The following FAF1 variants were observed in gnomAD, a reference collection of about 807,000 sequenced individuals.
FAF1 encodes the protein Fas associated factor 1.
In FAF1, 25 loss-of-function variants were observed where a neutral mutation model predicts 92.5. That is an observed-to-expected ratio of 0.27 (90% CI 0.20 to 0.38). The LOEUF (loss-of-function observed/expected upper bound fraction) is 0.38. Among genes scored for constraint, FAF1 ranks in the 10% least tolerant of loss-of-function variants. The pLI, the probability that FAF1 is intolerant of heterozygous loss-of-function variation, is 1.00. For missense variants in FAF1, 636 were observed against 793.3 expected, an observed-to-expected ratio of 0.80 and a Z score of 2.38; for synonymous variants, 234 against 273.2, an observed-to-expected ratio of 0.86 and a Z score of 1.42.
intron 15 of FAF1, among the ~76,000 whole-genome samples, chr1:50,506,918 T>C (rs959716197): frequency 1.3e-5 from 2 of 152,226 alleles, no homozygotes; most frequent in African/African-American, 2.4e-5. Flanking sequence ...CTTTACCTTC[T>C]TCTTCCTGCC....
At chr1:50,758,800 C>T (rs1329636460) in intron 4 of FAF1, among the ~76,000 whole-genome samples, 1 of 152,082 alleles carries the variant, frequency 6.6e-6, no homozygotes, top group Non-Finnish European at 1.5e-5. Context: ...GCATTGCCTC[C>T]TGGTGTGCGC....
chr1:50,653,470 C>G (rs1437811063), intron 8 of FAF1, among the ~76,000 whole-genome samples: 1 of 152,140 alleles, frequency 6.6e-6, no homozygotes, highest in Non-Finnish European at 1.5e-5. Flanking sequence ...CCTGCTTTAG[C>G]CCCCCAAGTA....
At chr1:50,917,622 G>GAA (rs1400082432) in intron 1 of FAF1, among the ~76,000 whole-genome samples, 2 of 98,466 alleles carry the variant, frequency 2.0e-5, no homozygotes, top group South Asian at 3.2e-4. Flanking sequence ...AAAGGGAAAG[G>GAA]AAAAAGGAAA....
intron 7 of FAF1, among the ~76,000 whole-genome samples, chr1:50,658,219 T>C (rs1280802278): frequency 6.6e-6 from 1 of 152,090 alleles, no homozygotes; most frequent in African/African-American, 2.4e-5. Context: ...AATTAAGAAA[T>C]TATTACTTTG....
chr1:50,851,320 G>T (rs1238880751), intron 2 of FAF1, among the ~76,000 whole-genome samples: 1 of 152,060 alleles, frequency 6.6e-6, no homozygotes, highest in African/African-American at 2.4e-5. Flanking sequence ...TGACCCACTC[G>T]CATTGGCTTC....
intron 18 of FAF1, chr1:50,461,463 A>C (rs1224649029): frequency 6.6e-6 from 1 of 152,142 alleles, no homozygotes; most frequent in Non-Finnish European, 1.5e-5. Flanking sequence ...ACCTACCCAC[A>C]ACTCAGCGAG....
At chr1:50,786,780 T>C (rs1661380027) in intron 4 of FAF1, among the ~76,000 whole-genome samples, 1 of 152,144 alleles carries the variant, frequency 6.6e-6, no homozygotes, top group African/African-American at 2.4e-5. Flanking sequence ...TGGTGATAGA[T>C]GAAACTAGAA....
chr1:50,515,195 T>A (rs1647201750), intron 15 of FAF1, among the ~76,000 whole-genome samples: 1 of 152,156 alleles, frequency 6.6e-6, no homozygotes, highest in Non-Finnish European at 1.5e-5. Flanking sequence ...CTATTATGGT[T>A]TAGTCATTTT....
chr1:50,657,862 G>A (rs1310058582), intron 7 of FAF1, among the ~76,000 whole-genome samples: 2 of 152,120 alleles, frequency 1.3e-5, no homozygotes, highest in Non-Finnish European at 2.9e-5. Flanking sequence ...AGGAGCTTGG[G>A]GAATGGCTTG....
intron 1 of FAF1, among the ~76,000 whole-genome samples, chr1:50,923,856 G>A (rs1468697284): frequency 6.6e-6 from 1 of 152,110 alleles, no homozygotes; most frequent in African/African-American, 2.4e-5. Context: ...CATTGAAACA[G>A]CATTCAATAA....
At chr1:50,599,912 T>C (rs1436560722) in intron 8 of FAF1, among the ~76,000 whole-genome samples, 2 of 152,192 alleles carry the variant, frequency 1.3e-5, no homozygotes, top group Non-Finnish European at 1.5e-5. Flanking sequence ...TGGCATCATA[T>C]ATACCTAACA....
At chr1:50,444,488 T>C (rs1334749964) in intron 18 of FAF1, among the ~76,000 whole-genome samples, 1 of 152,130 alleles carries the variant, frequency 6.6e-6, no homozygotes, top group East Asian at 1.9e-4. Flanking sequence ...GGGATACAGC[T>C]AGGGCTGGTG....
At chr1:50,835,570 C>CAAA (rs573942977) in intron 2 of FAF1, among the ~76,000 whole-genome samples, 74 of 54,780 alleles carry the variant, frequency 1.4e-3, no homozygotes, top group African/African-American at 3.3e-3. Context: ...GACTCCATCT[C>CAAA]AAAAAAAAAA....
At position 50,490,384 on chromosome 1, in the gene FAF1, AAAGGAAGGAAGGAAGGAAGGAAGGAAGG is replaced by A. The variant is rs199911582; in HGVS notation, c.1653+176_1653+203del. Among the ~76,000 whole-genome samples, 29 of 34,832 alleles carry A rather than the reference AAAGGAAGGAAGGAAGGAAGGAAGGAAGG, an allele frequency of 8.3e-4. 1 individual carries two copies. In the South Asian group the frequency reaches 8.4e-3, roughly 10 times the overall value. The allele number at this position is 34,832 out of a possible 152,430, so 22.9% of individuals were successfully genotyped here. A position where few individuals can be genotyped will look rare whatever the true frequency, so the allele number is the denominator to read the frequency against. On this transcript the variant is annotated intron_variant, in intron 17 of 18. Transcript: ENST00000396153. ...TGACAGAGCGAAGACTCTATCTCAA[AAAGGAAGGAAGGAAGGAAGGAAGGAAGG>A]AAGGAAGGAAGGAAGGAAGGAAGGA...
At chr1:50,889,947 C>T (rs938851167) in intron 1 of FAF1, among the ~76,000 whole-genome samples, 2 of 152,148 alleles carry the variant, frequency 1.3e-5, no homozygotes, top group African/African-American at 4.8e-5. Flanking sequence ...ACTGATCTGT[C>T]TAATGTTGAC....
At chr1:50,517,326 G>C (rs934116464) in intron 15 of FAF1, among the ~76,000 whole-genome samples, 1 of 152,156 alleles carries the variant, frequency 6.6e-6, no homozygotes, top group African/African-American at 2.4e-5. Flanking sequence ...GCCTGACTCT[G>C]TAAGTGATCT....
intron 1 of FAF1, among the ~76,000 whole-genome samples, chr1:50,887,480 C>A (rs1471300710): frequency 6.6e-6 from 1 of 152,028 alleles, no homozygotes. Flanking sequence ...GTATTGCCTA[C>A]ATTTTCTTCT....
chr1:50,442,902 A>G (rs115069774), intron 18 of FAF1, among the ~76,000 whole-genome samples: 2,106 of 152,278 alleles, frequency 0.014, 43 homozygotes, highest in African/African-American at 0.049. Flanking sequence ...AGCAAAGCAC[A>G]CTGTATTTGT....
intron 7 of FAF1, among the ~76,000 whole-genome samples, chr1:50,701,318 C>A (rs1199291750): frequency 1.3e-5 from 2 of 151,944 alleles, no homozygotes; most frequent in African/African-American, 4.8e-5. Flanking sequence ...CTTGCATATG[C>A]ACATTCTCAG....
Sources: allele counts gnomAD v4.1 joint callset (sites outside exome capture counted in the v4.1 genomes callset), GRCh38; gene constraint gnomAD v4.1.1; transcripts MANE v1.5; gene names NCBI Gene and HGNC (gene_info 2026-07-23, HGNC 2026-07-21).